PLEKHF2: variants seen among roughly 807,000 people sequenced by gnomAD.
PLEKHF2 encodes pleckstrin homology domain-containing family F member 2.
A neutral mutation model predicts 14.7 loss-of-function variants in PLEKHF2; 4 were observed. The observed-to-expected ratio is 0.27, with a 90% CI of 0.13 to 0.62. The LOEUF (loss-of-function observed/expected upper bound fraction) is 0.62, where lower values mean the gene tolerates loss of function less well. Ranked by LOEUF, PLEKHF2 falls within the 20% of genes least tolerant of loss-of-function variation. The pLI is 0.85. For missense variants in PLEKHF2, 201 were observed against 307.7 expected (o/e 0.65, Z 2.60); for synonymous variants, 90 against 103.5 (o/e 0.87, Z 0.79).
intron 1 of PLEKHF2, among the ~76,000 whole-genome samples, chr8:95,144,575 T>A (rs1810474626): frequency 6.6e-6 from 1 of 151,762 alleles, no homozygotes; most frequent in Non-Finnish European, 1.5e-5. Context: ...AATATGCATT[T>A]AAAAAAAATG....
chr8:95,148,745 CAATT>C (rs1382347483), intron 1 of PLEKHF2, among the ~76,000 whole-genome samples: 8 of 152,092 alleles, frequency 5.3e-5, no homozygotes, highest in Admixed American at 2.6e-4. Flanking sequence ...GTTTCTGGAA[CAATT>C]AATTAGCTCT....
At position 95,156,093 on chromosome 8, in the gene PLEKHF2, C is replaced by T. The variant is rs1160935515; in HGVS notation, c.*1299C>T. 6.0e-6 allele frequency: 1 copy of T among 166,928 alleles called. No individual in the cohort carries two copies. Among genetic ancestry groups the T allele is most frequent in the Admixed American group, 6.6e-5 (1 of 15,260 alleles). 10.3% of individuals were successfully genotyped at this position (166,928 alleles called of 1,614,324 possible). The stretch of plus-strand genomic sequence containing the variant: ...TGTTCACTCTTTACTTTTGAGGCAG[C>T]CATTAGGTTGAAAGTATATATTTAT... On this transcript the variant is annotated 3_prime_UTR_variant, in exon 2 of 2. Transcript: ENST00000315367.
rs886766396 is a variant in PLEKHF2 at position 95,154,512 on chromosome 8, T to C, written c.468T>C (p.Thr156=). ...TCTGGGTTCCTGACTCTGAGGCAACTGTATGTATGCGTTGTCAGAAAGCAA... is the reference window on the plus strand; with the variant it reads ...TCTGGGTTCCTGACTCTGAGGCAACCGTATGTATGCGTTGTCAGAAAGCAA... ...AAVWVPDSEA[T]VCMRCQKAKF... The change falls in exon 2 of 2, where the codon ACT becomes ACC. Residue 156 remains threonine (T), a synonymous_variant. Transcript: ENST00000315367. This position sits in a 1 kb window ranked among gnomAD's most constrained non-coding sequence, Gnocchi z 5.6. The C allele has an allele frequency of 1.9e-6, 3 of 1,614,074 alleles. No individual in the cohort carries two copies. The highest frequency in any genetic ancestry group is 2.7e-5 in the African/African-American group (2 of 74,928).
At chr8:95,142,632 A>G (rs1810451313) in intron 1 of PLEKHF2, among the ~76,000 whole-genome samples, 1 of 152,236 alleles carries the variant, frequency 6.6e-6, no homozygotes, top group Non-Finnish European at 1.5e-5. Flanking sequence ...ACTTTTAGAA[A>G]TGATGTGAGT....
Position 95,154,564 on chromosome 8 carries a change from C to T in PLEKHF2, c.520C>T (p.His174Tyr). The change falls in exon 2 of 2, where the codon CAT becomes TAT. Residue 174 changes from histidine to tyrosine, a missense_variant. His to Tyr is a moderately conservative substitution (Grantham distance 83, BLOSUM62 2). Transcript: ENST00000315367. The surrounding 1 kb of genome is among the most constrained non-coding windows in gnomAD (Gnocchi z 5.6). The stretch of plus-strand genomic sequence containing the variant: ...ATTCACACCTGTTAATCGTCGCCAC[C>T]ATTGCCGCAAATGTGGTTTTGTTGT... ...AKFTPVNRRH[H>Y]CRKCGFVVCG... The T allele has an allele frequency of 1.9e-6, 3 of 1,614,178 alleles. No homozygotes were observed. The highest frequency in any genetic ancestry group is 2.5e-6 in the Non-Finnish European group (3 of 1,180,014).
intron 1 of PLEKHF2, among the ~76,000 whole-genome samples, chr8:95,147,326 T>C (rs1339954230): frequency 6.6e-6 from 1 of 152,044 alleles, no homozygotes; most frequent in Non-Finnish European, 1.5e-5. Context: ...AATCTAGGTA[T>C]TGGTGTTTCT....
At chr8:95,150,674 C>G (rs1370469026) in intron 1 of PLEKHF2, among the ~76,000 whole-genome samples, 14 of 152,020 alleles carry the variant, frequency 9.2e-5, no homozygotes, top group Non-Finnish European at 1.3e-4. Context: ...ATCAAGACAC[C>G]AGCTGGGTAA....
At chr8:95,146,297 G>C (rs1810499844) in intron 1 of PLEKHF2, among the ~76,000 whole-genome samples, 1 of 152,104 alleles carries the variant, frequency 6.6e-6, no homozygotes, top group African/African-American at 2.4e-5. Context: ...TTAGTTCATA[G>C]TTCATTGGTT....
chr8:95,154,773 C>CGATGAT lies in PLEKHF2; in HGVS notation c.733_738dup (p.Asp245_Asp246dup). On this transcript the variant is annotated inframe_insertion, in exon 2 of 2. Coordinates refer to ENST00000315367, the MANE Select transcript of PLEKHF2 (RefSeq NM_024613.4). The surrounding 1 kb of genome is among the most constrained non-coding windows in gnomAD (Gnocchi z 5.6). ...TAAATGATATGTCTGATGATGATGA[C>CGATGAT]GATGATGATAGCAGTGACTAAGGAC... 6.2e-7 allele frequency: 1 copy of CGATGAT among 1,613,780 alleles called. No homozygotes were observed. Among genetic ancestry groups the CGATGAT allele is most frequent in the Non-Finnish European group, 8.5e-7 (1 of 1,179,824 alleles).
chr8:95,152,614 A>G (rs1328674269), intron 1 of PLEKHF2, among the ~76,000 whole-genome samples: 4 of 152,104 alleles, frequency 2.6e-5, no homozygotes, highest in East Asian at 3.8e-4. Context: ...TATTAGTCCT[A>G]ATTAGAAACC....
At chr8:95,152,603 A>G (rs1274531687) in intron 1 of PLEKHF2, among the ~76,000 whole-genome samples, 4 of 152,024 alleles carry the variant, frequency 2.6e-5, no homozygotes, top group African/African-American at 2.4e-5. Flanking sequence ...ATTGGCTGGC[A>G]TATTAGTCCT....
intron 1 of PLEKHF2, among the ~76,000 whole-genome samples, chr8:95,149,817 A>G (rs949343134): frequency 2.0e-5 from 3 of 152,130 alleles, no homozygotes; most frequent in Non-Finnish European, 4.4e-5. Flanking sequence ...AAATTGGGCC[A>G]TGTTTATAGC....
rs1389036614 is a variant in PLEKHF2 at position 95,156,325 on chromosome 8, G to T, written c.*1531G>T. ...GGATTCTTTGGTATCTTACTGTTTG[G>T]TTAAGGCACTAATTTTACTTACCTA... On this transcript the variant is annotated 3_prime_UTR_variant, in exon 2 of 2. Transcript: ENST00000315367. 4 of 166,898 alleles carry T rather than the reference G, an allele frequency of 2.4e-5. No individual in the cohort carries two copies. Among genetic ancestry groups the T allele is most frequent in the African/African-American group, 9.7e-5 (4 of 41,408 alleles). The allele number at this position is 166,898 out of a possible 1,614,324, so 10.3% of individuals were successfully genotyped here. A position where few individuals can be genotyped will look rare whatever the true frequency, so the allele number is the denominator to read the frequency against.
intron 1 of PLEKHF2, 133 bp from the exon 2 acceptor site, chr8:95,153,886 GCTTAGTGATTAT>G (rs1442860614): frequency 3.7e-6 from 2 of 539,160 alleles, no homozygotes; most frequent in Non-Finnish European, 5.9e-6. Context: ...CTTTTGATGT[GCTTAGTGATTAT>G]CTTAGAGGGA....
At chr8:95,136,351 C>T (rs1181755149) in intron 1 of PLEKHF2, among the ~76,000 whole-genome samples, 3 of 151,362 alleles carry the variant, frequency 2.0e-5, no homozygotes, top group African/African-American at 4.9e-5. Context: ...CACACACACA[C>T]ACACACACAC....
At chr8:95,149,126 A>G (rs1810532089) in intron 1 of PLEKHF2, among the ~76,000 whole-genome samples, 1 of 152,164 alleles carries the variant, frequency 6.6e-6, no homozygotes, top group Non-Finnish European at 1.5e-5. Flanking sequence ...ACATTAGAAA[A>G]TCATTGACCT....
chr8:95,134,955 T>C (rs1198632265), intron 1 of PLEKHF2, among the ~76,000 whole-genome samples: 2 of 152,226 alleles, frequency 1.3e-5, no homozygotes, highest in Non-Finnish European at 2.9e-5. Context: ...GAAGTTTTTT[T>C]CCCCTCCCTT....
intron 1 of PLEKHF2, among the ~76,000 whole-genome samples, chr8:95,134,752 T>C (rs1260275982): frequency 1.3e-5 from 2 of 152,144 alleles, no homozygotes; most frequent in African/African-American, 2.4e-5. Flanking sequence ...TGGAAGTGGG[T>C]ATGAAGGTTA....
intron 1 of PLEKHF2, among the ~76,000 whole-genome samples, chr8:95,144,576 A>T (rs532531617): frequency 3.9e-4 from 59 of 152,090 alleles, no homozygotes; most frequent in Non-Finnish European, 6.9e-4. Context: ...ATATGCATTT[A>T]AAAAAAATGG....
Sources: allele counts gnomAD v4.1 joint callset (sites outside exome capture counted in the v4.1 genomes callset), GRCh38; gene constraint gnomAD v4.1.1; non-coding constraint Gnocchi (gnomAD v3.1); transcripts MANE v1.5; gene names NCBI Gene and HGNC (gene_info 2026-07-23, HGNC 2026-07-21).